CNTNAP2: variants seen among roughly 807,000 people sequenced by gnomAD.
The protein encoded by CNTNAP2 is contactin associated protein 2.
A neutral mutation model predicts 155.2 loss-of-function variants in CNTNAP2; 98 were observed. The observed-to-expected ratio is 0.63, with a 90% confidence interval of 0.54 to 0.75. The LOEUF is 0.75. CNTNAP2 is among the 30% of genes least tolerant of loss of function. CNTNAP2 has a pLI of 0.00. For synonymous variants in CNTNAP2, 651 were observed against 631.2 expected, an observed-to-expected ratio of 1.03 and a Z score of -0.47; for missense variants, 1,727 against 1,688.1, an observed-to-expected ratio of 1.02 and a Z score of -0.40.
In CNTNAP2 at chr7:147,507,674, T is replaced by A. The variant is rs1056114626; in HGVS notation, c.1777+21633T>A. 1.6e-4 allele frequency among the ~76,000 whole-genome samples: 23 copies of A among 145,606 alleles called. No homozygotes were observed. In the Admixed American group the frequency reaches 1.6e-3, roughly 10 times the overall value. On this transcript the variant is annotated intron_variant, in intron 11 of 23. Transcript: ENST00000361727. ...TTCACACCATTCTCCTGCCTCAGCC[T>A]CCCGAGTAGCTGGGACTACAGGTGT...
intron 21 of CNTNAP2, among the ~76,000 whole-genome samples, chr7:148,345,895 T>C (rs1798318724): frequency 6.6e-6 from 1 of 152,212 alleles, no homozygotes; most frequent in African/African-American, 2.4e-5. Context: ...CTTAGCAGGC[T>C]TAGCAACTCC....
chr7:147,301,248 G>A (rs1277936603), intron 9 of CNTNAP2, among the ~76,000 whole-genome samples: 1 of 152,132 alleles, frequency 6.6e-6, no homozygotes, highest in Non-Finnish European at 1.5e-5. Context: ...AACTCTATGT[G>A]TGAAAAAGTG....
chr7:147,141,442 T>C (rs1399209156), intron 8 of CNTNAP2, among the ~76,000 whole-genome samples: 1 of 152,166 alleles, frequency 6.6e-6, no homozygotes, highest in Non-Finnish European at 1.5e-5. Context: ...GTTCTTTCTC[T>C]GTTTCAGTCA....
intron 1 of CNTNAP2, among the ~76,000 whole-genome samples, chr7:146,335,444 T>C (rs137973259): frequency 8.0e-4 from 122 of 152,304 alleles, no homozygotes; most frequent in African/African-American, 2.7e-3. Flanking sequence ...TGCAGAGTAG[T>C]TGACCTTCTC....
intron 2 of CNTNAP2, among the ~76,000 whole-genome samples, chr7:146,802,075 A>G (rs1802888304): frequency 6.6e-6 from 1 of 152,172 alleles, no homozygotes; most frequent in Non-Finnish European, 1.5e-5. Context: ...CTGGATAAAA[A>G]ATTACCATAA....
At chr7:146,963,952 T>G (rs2129231159) in intron 3 of CNTNAP2, among the ~76,000 whole-genome samples, 1 of 152,150 alleles carries the variant, frequency 6.6e-6, no homozygotes, top group African/African-American at 2.4e-5. Context: ...CAGGATGATT[T>G]TTTTTTTTAT....
intron 10 of CNTNAP2, among the ~76,000 whole-genome samples, chr7:147,429,262 A>G (rs1219938618): frequency 6.6e-6 from 1 of 151,456 alleles, no homozygotes; most frequent in Non-Finnish European, 1.5e-5. Context: ...TGATTTTTTT[A>G]AATTATGGCC....
intron 9 of CNTNAP2, among the ~76,000 whole-genome samples, chr7:147,390,058 T>C (rs1325851394): frequency 1.3e-5 from 2 of 152,144 alleles, no homozygotes; most frequent in East Asian, 1.9e-4. Context: ...TACACTAGTA[T>C]TTTTACTGAA....
chr7:147,411,067 C>G (rs1341603321), intron 10 of CNTNAP2, among the ~76,000 whole-genome samples: 2 of 152,154 alleles, frequency 1.3e-5, no homozygotes, highest in Non-Finnish European at 2.9e-5. Context: ...CCCAGAATGT[C>G]TGTGAAACTG....
chr7:147,175,418 A>G (rs988396635), intron 8 of CNTNAP2, among the ~76,000 whole-genome samples: 2 of 152,222 alleles, frequency 1.3e-5, no homozygotes, highest in African/African-American at 4.8e-5. Context: ...TGAACAATTC[A>G]TCTTCTATTA....
At chr7:146,415,708 A>T (rs574737248) in intron 1 of CNTNAP2, among the ~76,000 whole-genome samples, 2 of 152,230 alleles carry the variant, frequency 1.3e-5, no homozygotes, top group African/African-American at 4.8e-5. Context: ...AAATTTAAAA[A>T]AAATTTGCAA....
At chr7:147,270,538 T>A (rs1342639691) in intron 8 of CNTNAP2, among the ~76,000 whole-genome samples, 1 of 152,230 alleles carries the variant, frequency 6.6e-6, no homozygotes, top group Non-Finnish European at 1.5e-5. Context: ...CTATTGGACA[T>A]TGCTATTTGA....
chr7:146,940,830 T>TAGAGAGAGAGAAAGAGAGAGAAAGAG (rs150681710), intron 3 of CNTNAP2, among the ~76,000 whole-genome samples: 6 of 151,412 alleles, frequency 4.0e-5, no homozygotes, highest in Non-Finnish European at 8.8e-5. Flanking sequence ...TATATACATA[T>TAGAGAGAGAGAAAGAGAGAGAAAGAG]AGAGAGAAAG....
rs184763820 is a variant in CNTNAP2, at chr7:146,458,817, C to T, written c.98-315454C>T. Reference sequence around the variant, plus strand: ...GAATCAAGCAAAAAGATTGGCTTCTCATGAGCAAGAAAGAATTCTCCTTCA... The same window carrying T: ...GAATCAAGCAAAAAGATTGGCTTCTTATGAGCAAGAAAGAATTCTCCTTCA... On this transcript the variant is annotated intron_variant, in intron 1 of 23. Coordinates refer to ENST00000361727, the MANE Select transcript of CNTNAP2 (RefSeq NM_014141.6). Among the ~76,000 whole-genome samples the T allele has an allele frequency of 4.1e-4, 62 of 152,250 alleles. 1 individual carries two copies. In the Middle Eastern group the frequency reaches 0.027, roughly 67 times the overall value.
At chr7:148,254,858 G>A (rs911985161) in intron 20 of CNTNAP2, among the ~76,000 whole-genome samples, 4 of 150,536 alleles carry the variant, frequency 2.7e-5, no homozygotes, top group Admixed American at 6.6e-5. Context: ...TTTCAAAAGC[G>A]ACTCTTCCTA....
At chr7:146,823,599 G>T (rs911137128) in intron 2 of CNTNAP2, among the ~76,000 whole-genome samples, 6 of 143,520 alleles carry the variant, frequency 4.2e-5, no homozygotes, top group Non-Finnish European at 7.6e-5. Flanking sequence ...TATTTACATG[G>T]AAATATACTC....
chr7:148,318,703 C>T (rs986110100), intron 21 of CNTNAP2, among the ~76,000 whole-genome samples: 4 of 152,200 alleles, frequency 2.6e-5, no homozygotes, highest in Middle Eastern at 3.4e-3. Context: ...TTTCGTGGTC[C>T]GAATGGATAA....
intron 13 of CNTNAP2, among the ~76,000 whole-genome samples, chr7:147,750,519 A>T (rs967329131): frequency 8.5e-5 from 13 of 152,220 alleles, no homozygotes; most frequent in African/African-American, 1.4e-4. Context: ...TTTACTTTTT[A>T]AAAAAGTCAA....
chr7:147,683,668 T>C (rs1795979351), intron 13 of CNTNAP2, among the ~76,000 whole-genome samples: 2 of 150,834 alleles, frequency 1.3e-5, no homozygotes, highest in South Asian at 4.2e-4. Context: ...CTAATACATA[T>C]GGCACATGCA....
Sources: allele counts gnomAD v4.1 joint callset (sites outside exome capture counted in the v4.1 genomes callset), GRCh38; gene constraint gnomAD v4.1.1; transcripts MANE v1.5; gene names NCBI Gene and HGNC (gene_info 2026-07-23, HGNC 2026-07-21).